Variants in MARCHF6 observed in about 807,000 individuals in gnomAD.
The protein encoded by MARCHF6 is E3 ubiquitin-protein ligase MARCHF6.
MARCHF6 carries 31 observed loss-of-function variants against 133.7 expected under a neutral mutation model. The ratio of observed to expected loss-of-function variants is 0.23; its 90% confidence interval spans 0.17 to 0.31. MARCHF6 has a LOEUF of 0.31. Ranked by LOEUF, MARCHF6 falls within the 10% of genes least tolerant of loss-of-function variation. MARCHF6 has a pLI of 1.00. For synonymous variants in MARCHF6, 395 were observed against 402.5 expected, an observed-to-expected ratio of 0.98 and a Z score of 0.22; for missense variants, 723 against 1,121.6, an observed-to-expected ratio of 0.64 and a Z score of 5.08.
At chr5:10,370,480 G>C (rs1736403849) in intron 1 of MARCHF6, among the ~76,000 whole-genome samples, 1 of 152,094 alleles carries the variant, frequency 6.6e-6, no homozygotes, top group South Asian at 2.1e-4. Flanking sequence ...CTATTTTTAA[G>C]TATATACTTC....
At chr5:10,415,792 T>A in intron 21 of MARCHF6, 123 bp downstream of exon 21, 1 of 814,896 alleles carries the variant, frequency 1.2e-6, no homozygotes, top group South Asian at 2.2e-5. Context: ...GAGAGTTGAT[T>A]TTTTGAATTA....
intron 1 of MARCHF6, among the ~76,000 whole-genome samples, chr5:10,372,603 T>G (rs1736537912): frequency 6.6e-6 from 1 of 152,240 alleles, no homozygotes; most frequent in Non-Finnish European, 1.5e-5. Context: ...AATGGATTAA[T>G]GCACTTGTTC....
chr5:10,363,645 A>G (rs1735955497), intron 1 of MARCHF6, among the ~76,000 whole-genome samples: 1 of 152,228 alleles, frequency 6.6e-6, no homozygotes, highest in African/African-American at 2.4e-5. Flanking sequence ...CAAAAAATAT[A>G]TTCACACAAA....
In MARCHF6 at chr5:10,435,254, G is replaced by A. The variant is rs572765385; in HGVS notation, c.*1570G>A. ...ACTTCAACAATTTTTTCCCTAAGTGGTAAGCAATTACTTTAAAACATATTT... is the reference window on the plus strand; with the variant it reads ...ACTTCAACAATTTTTTCCCTAAGTGATAAGCAATTACTTTAAAACATATTT... On this transcript the variant is annotated 3_prime_UTR_variant, in exon 26 of 26. Coordinates refer to ENST00000274140, the MANE Select transcript of MARCHF6 (RefSeq NM_005885.4). The A allele has an allele frequency of 6.6e-6, 1 of 152,542 alleles. No individual in the cohort carries two copies. The highest frequency in any genetic ancestry group is 1.9e-4 in the East Asian group (1 of 5,180). 9.4% of individuals were successfully genotyped at this position (152,542 alleles called of 1,614,324 possible). A position where few individuals can be genotyped will look rare whatever the true frequency, so the allele number is the denominator to read the frequency against.
chr5:10,406,610 G>C (rs979864384), intron 16 of MARCHF6, among the ~76,000 whole-genome samples: 1 of 151,830 alleles, frequency 6.6e-6, no homozygotes, highest in Non-Finnish European at 1.5e-5. Context: ...GGTTGGTCTC[G>C]AACTCCTGAC....
intron 19 of MARCHF6, among the ~76,000 whole-genome samples, chr5:10,411,986 G>A (rs966606842): frequency 6.6e-6 from 1 of 152,182 alleles, no homozygotes. Context: ...GTGCACCTCA[G>A]AATTTTGTCA....
chr5:10,416,256 A>G (rs1739508744), intron 21 of MARCHF6, among the ~76,000 whole-genome samples: 1 of 152,210 alleles, frequency 6.6e-6, no homozygotes, highest in Non-Finnish European at 1.5e-5. Flanking sequence ...GTTGGCTGCA[A>G]CTGGTAACTA....
In MARCHF6 at chr5:10,394,799, A is replaced by ATTT. The variant is rs201911419; in HGVS notation, c.861+30_861+32dup. 720 of 1,239,772 alleles carry ATTT rather than the reference A, an allele frequency of 5.8e-4. No individual in the cohort carries two copies. Among genetic ancestry groups the ATTT allele is most frequent in the Admixed American group, 1.2e-3 (50 of 42,140 alleles). 76.8% of individuals were successfully genotyped at this position (1,239,772 alleles called of 1,614,324 possible). A position where few individuals can be genotyped will look rare whatever the true frequency, so the allele number is the denominator to read the frequency against. On this transcript the variant is annotated intron_variant, in intron 9 of 25. Coordinates refer to ENST00000274140, the MANE Select transcript of MARCHF6 (RefSeq NM_005885.4). ...CTAGTTTTTCTGGTAAGTAAAACTA[A>ATTT]TTTTTTTTTTTTTTTTTTGAGACGG...
rs1740522710 is a variant in MARCHF6 at position 10,434,592 on chromosome 5, A to C, written c.*908A>C. 1 of 151,432 alleles carries C rather than the reference A, an allele frequency of 6.6e-6. No individual in the cohort carries two copies. Among genetic ancestry groups the C allele is most frequent in the Admixed American group, 6.7e-5 (1 of 15,028 alleles). The allele number at this position is 151,432 out of a possible 1,614,324, so 9.4% of individuals were successfully genotyped here. The stretch of plus-strand genomic sequence containing the variant: ...GCAAGGTCATAAATCTTTCAGAGTG[A>C]CATCACCAACTGTACTGCATCTTAC... On this transcript the variant is annotated 3_prime_UTR_variant, in exon 26 of 26. Transcript: ENST00000274140.
chr5:10,384,404 G>A (rs1737344588), intron 4 of MARCHF6, among the ~76,000 whole-genome samples: 1 of 152,102 alleles, frequency 6.6e-6, no homozygotes, highest in African/African-American at 2.4e-5. Context: ...TGTATCTAGA[G>A]TATATAAATC....
intron 1 of MARCHF6, among the ~76,000 whole-genome samples, chr5:10,374,939 G>GT (rs1736681041): frequency 6.6e-6 from 1 of 152,242 alleles, no homozygotes; most frequent in South Asian, 2.1e-4. Flanking sequence ...TATTCTGTGG[G>GT]TGGGGGTGCA....
At chr5:10,380,552 TATTC>T (rs1737073166) in intron 3 of MARCHF6, among the ~76,000 whole-genome samples, 1 of 152,210 alleles carries the variant, frequency 6.6e-6, no homozygotes, top group South Asian at 2.1e-4. Context: ...AAATCTCTAT[TATTC>T]CTGGTTTTAA....
chr5:10,428,760 A>C (rs540147811), intron 24 of MARCHF6, among the ~76,000 whole-genome samples: 1 of 152,280 alleles, frequency 6.6e-6, no homozygotes, highest in East Asian at 1.9e-4. Context: ...TCTAATTAGC[A>C]TATATTATGT....
At chr5:10,408,864 T>C (rs1220915404) in intron 17 of MARCHF6, among the ~76,000 whole-genome samples, 1 of 152,224 alleles carries the variant, frequency 6.6e-6, no homozygotes, top group African/African-American at 2.4e-5. Flanking sequence ...AAAATTGTCT[T>C]CATCGTTGTA....
chr5:10,386,019 GCTGT>G (rs1737448859), intron 4 of MARCHF6, among the ~76,000 whole-genome samples: 1 of 151,052 alleles, frequency 6.6e-6, no homozygotes, highest in South Asian at 2.1e-4. Flanking sequence ...TGAGTGTTGT[GCTGT>G]CTTATTTTTT....
In MARCHF6 at chr5:10,405,662, A is replaced by G; in HGVS notation, c.1437A>G (p.Arg479=). Residue 479 remains arginine (R), a synonymous_variant, in exon 16 of 26, where the codon AGA becomes AGG. Coordinates refer to ENST00000274140, the MANE Select transcript of MARCHF6 (RefSeq NM_005885.4). ...TGCCAATATATAGGCATCTCCGAAGATTTATTTTGTCAGTGGTAAGAAGAT... is the reference window on the plus strand; with the variant it reads ...TGCCAATATATAGGCATCTCCGAAGGTTTATTTTGTCAGTGGTAAGAAGAT... The part of the protein sequence containing the change: ...IHLPIYRHLR[R]FILSVIVFGS... 1.9e-6 allele frequency: 3 copies of G among 1,591,590 alleles called. No homozygotes were observed. Among genetic ancestry groups the G allele is most frequent in the Middle Eastern group, 1.7e-4 (1 of 5,834 alleles).
intron 9 of MARCHF6, among the ~76,000 whole-genome samples, chr5:10,396,969 T>G (rs1178944256): frequency 6.6e-6 from 1 of 152,240 alleles, no homozygotes; most frequent in Non-Finnish European, 1.5e-5. Flanking sequence ...AAATTTTTAG[T>G]GTCATTTGAT....
chr5:10,414,716 A>G (rs934405810), intron 20 of MARCHF6, among the ~76,000 whole-genome samples: 2 of 152,228 alleles, frequency 1.3e-5, no homozygotes, highest in South Asian at 4.1e-4. Context: ...TATTAGGAAG[A>G]CAATCTGTGG....
chr5:10,430,286 T>G (rs1455145284), intron 25 of MARCHF6, among the ~76,000 whole-genome samples: 3 of 138,726 alleles, frequency 2.2e-5, no homozygotes, highest in Admixed American at 7.2e-5. Flanking sequence ...GAGAGGGAGG[T>G]TTTTTTTTTT....
Sources: allele counts gnomAD v4.1 joint callset (sites outside exome capture counted in the v4.1 genomes callset), GRCh38; gene constraint gnomAD v4.1.1; transcripts MANE v1.5; gene names NCBI Gene and HGNC (gene_info 2026-07-23, HGNC 2026-07-21).